The following UNC13B variants were observed in gnomAD, a reference collection of about 807,000 sequenced individuals.
The protein encoded by UNC13B is protein unc-13 homolog B.
Under a neutral mutation model 211.0 loss-of-function variants are expected in UNC13B, and 144 were observed. That is an observed-to-expected ratio of 0.68 (90% CI 0.60 to 0.78). The LOEUF is 0.78. UNC13B is among the 30% of genes least tolerant of loss of function. The pLI is 0.00. For missense variants in UNC13B, 1,777 were observed against 2,002.0 expected (o/e 0.89, Z 2.14); for synonymous variants, 709 against 725.8 (o/e 0.98, Z 0.37).
At chr9:35,199,347 G>C (rs1823134740) in intron 1 of UNC13B, among the ~76,000 whole-genome samples, 1 of 151,996 alleles carries the variant, frequency 6.6e-6, no homozygotes, top group South Asian at 2.1e-4. Context: ...TAATCCTTTG[G>C]GTATATGCCG....
At chr9:35,185,757 T>C (rs1476604206) in intron 1 of UNC13B, among the ~76,000 whole-genome samples, 3 of 150,316 alleles carry the variant, frequency 2.0e-5, no homozygotes, top group Non-Finnish European at 4.4e-5. Context: ...CCCATCTCTA[T>C]TAAAATACAA....
intron 14 of UNC13B, 135 bp from the exon 15 acceptor site, chr9:35,375,893 T>C: frequency 2.5e-6 from 2 of 803,464 alleles, no homozygotes. Context: ...GGCAGGAGAA[T>C]TGCTTGAACC....
chr9:35,181,248 T>C (rs1455828838), intron 1 of UNC13B, among the ~76,000 whole-genome samples: 1 of 152,248 alleles, frequency 6.6e-6, no homozygotes, highest in African/African-American at 2.4e-5. Context: ...TAACTAATTT[T>C]AAAATCCTTT....
At chr9:35,218,708 T>G (rs1330219312) in intron 1 of UNC13B, among the ~76,000 whole-genome samples, 2 of 151,908 alleles carry the variant, frequency 1.3e-5, no homozygotes, top group African/African-American at 4.8e-5. Flanking sequence ...AGTGGTTAAT[T>G]TAGAAATGTG....
chr9:35,179,970 C>T (rs1442692627), intron 1 of UNC13B, among the ~76,000 whole-genome samples: 1 of 152,158 alleles, frequency 6.6e-6, no homozygotes, highest in African/African-American at 2.4e-5. Context: ...GCTAGAATGA[C>T]CTTGTCCTGT....
At chr9:35,260,064 A>AAAAAG (rs1827184342) in intron 7 of UNC13B, among the ~76,000 whole-genome samples, 1 of 149,526 alleles carries the variant, frequency 6.7e-6, no homozygotes, top group South Asian at 2.1e-4. Context: ...AAAAAAAAAA[A>AAAAAG]CCAAGTGTGA....
At chr9:35,287,029 A>G (rs1490876961) in intron 7 of UNC13B, among the ~76,000 whole-genome samples, 1 of 152,158 alleles carries the variant, frequency 6.6e-6, no homozygotes, top group African/African-American at 2.4e-5. Context: ...CTGCACCACC[A>G]TGCCCAGCTA....
intron 8 of UNC13B, 104 bp downstream of exon 8, chr9:35,296,034 G>GT: frequency 1.9e-6 from 2 of 1,079,592 alleles, no homozygotes; most frequent in Non-Finnish European, 2.7e-6. Context: ...TAGCGTAAGT[G>GT]TAGCAGTATC....
chr9:35,238,569 CTTT>C (rs1783897272), intron 5 of UNC13B, among the ~76,000 whole-genome samples: 2 of 142,040 alleles, frequency 1.4e-5, no homozygotes. Context: ...TTTTTTTTTC[CTTT>C]TTTTGAGATG....
Position 35,381,595 on chromosome 9 carries a change from G to C in UNC13B, c.10531G>C (p.Gly3511Arg). 6.2e-7 allele frequency: 1 copy of C among 1,614,216 alleles called. No individual in the cohort carries two copies. Among genetic ancestry groups the C allele is most frequent in the Non-Finnish European group, 8.5e-7 (1 of 1,180,026 alleles). ...HYLTDIQGSG[G>R]VRIPEARGDD... is the part of the protein sequence containing the mutation. ...CCTCACAGACATTCAGGGCAGTGGAGGAGTCCGCATCCCTGAAGCTCGAGG... is the reference window on the plus strand; with the variant it reads ...CCTCACAGACATTCAGGGCAGTGGACGAGTCCGCATCCCTGAAGCTCGAGG... Residue 3511 changes from glycine to arginine, a missense_variant, in exon 20 of 40, where the codon GGA becomes CGA. Transcript: ENST00000635942.
At chr9:35,275,774 A>G (rs1828143257) in intron 7 of UNC13B, among the ~76,000 whole-genome samples, 1 of 151,898 alleles carries the variant, frequency 6.6e-6, no homozygotes, top group Admixed American at 6.6e-5. Flanking sequence ...TGTAGTTTTA[A>G]TAGAGACAGC....
chr9:35,316,053 C>T (rs1830435063), intron 11 of UNC13B, among the ~76,000 whole-genome samples: 1 of 152,160 alleles, frequency 6.6e-6, no homozygotes, highest in Non-Finnish European at 1.5e-5. Flanking sequence ...TTTCTTCCCT[C>T]TGTAATTGTT....
chr9:35,389,440 C>A (rs1302111564), intron 24 of UNC13B, among the ~76,000 whole-genome samples: 1 of 152,134 alleles, frequency 6.6e-6, no homozygotes, highest in Non-Finnish European at 1.5e-5. Flanking sequence ...GGTGTGCTGT[C>A]AGTAGAGGAA....
intron 26 of UNC13B, among the ~76,000 whole-genome samples, chr9:35,394,360 C>G (rs554322686): frequency 6.6e-6 from 1 of 152,298 alleles, no homozygotes; most frequent in Admixed American, 6.5e-5. Flanking sequence ...CTTTATGGGC[C>G]TGAGGCGGGT....
intron 6 of UNC13B, among the ~76,000 whole-genome samples, chr9:35,258,548 C>T (rs529396986): frequency 2.0e-5 from 3 of 152,158 alleles, no homozygotes; most frequent in Non-Finnish European, 4.4e-5. Flanking sequence ...TCCCATGTGA[C>T]CTTATGAGCA....
At chr9:35,401,279 G>A (rs1433156627) in intron 37 of UNC13B, among the ~76,000 whole-genome samples, 2 of 152,156 alleles carry the variant, frequency 1.3e-5, no homozygotes, top group African/African-American at 4.8e-5. Flanking sequence ...AGAGGGGAGA[G>A]GGCTCTAAGC....
In UNC13B at chr9:35,295,875, T is replaced by G; in HGVS notation, c.706T>G (p.Cys236Gly). Residue 236 changes from cysteine (C) to glycine (G), a missense_variant, in exon 8 of 40, where the codon TGT becomes GGT. Transcript: ENST00000635942. ...ACTTCAAGGCAGTTCCCGGGACTCT[T>G]GTAATGACTCTATGCAAAGTTATGA... ...LLLQGSSRDS[C>G]NDSMQSYDLD... is the part of the protein sequence containing the mutation. The G allele has an allele frequency of 1.2e-6, 2 of 1,614,082 alleles. No homozygotes were observed. The highest frequency in any genetic ancestry group is 1.7e-6 in the Non-Finnish European group (2 of 1,179,986).
chr9:35,397,575 A>C, intron 29 of UNC13B, 60 bp from the exon 30 acceptor site: 3 of 1,552,688 alleles, frequency 1.9e-6, no homozygotes, highest in Non-Finnish European at 2.6e-6. Context: ...ACCTCAGGCA[A>C]GATCCCCATA....
intron 1 of UNC13B, among the ~76,000 whole-genome samples, chr9:35,172,972 C>CT (rs1030166858): frequency 3.7e-4 from 57 of 152,208 alleles, no homozygotes; most frequent in African/African-American, 1.3e-3. Context: ...ATAGTAAGTG[C>CT]TTCTTTAGAG....
Sources: allele counts gnomAD v4.1 joint callset (sites outside exome capture counted in the v4.1 genomes callset), GRCh38; gene constraint gnomAD v4.1.1; transcripts MANE v1.5; gene names NCBI Gene and HGNC (gene_info 2026-07-23, HGNC 2026-07-21).